Variants in LONP2 observed in about 807,000 individuals in gnomAD.
LONP2 encodes lon protease homolog 2, peroxisomal.
Under a neutral mutation model 85.6 loss-of-function variants are expected in LONP2, and 60 were observed. The observed-to-expected ratio is 0.70, with a 90% CI of 0.57 to 0.87. The LOEUF (loss-of-function observed/expected upper bound fraction) is 0.87, where lower values mean the gene tolerates loss of function less well. LONP2 is among the 40% of genes least tolerant of loss of function. The probability of loss-of-function intolerance (pLI) is 0.00; values close to 1 mark genes in which losing one functional copy is unlikely to be tolerated. For missense variants in LONP2, 860 were observed against 1,063.5 expected, an observed-to-expected ratio of 0.81 and a Z score of 2.66; for synonymous variants, 395 against 389.7, an observed-to-expected ratio of 1.01 and a Z score of -0.16.
Position 48,351,922 on chromosome 16 carries a change from A to G in LONP2, c.*120A>G. On this transcript the variant is annotated 3_prime_UTR_variant, in exon 15 of 15. Coordinates refer to ENST00000285737, the MANE Select transcript of LONP2 (RefSeq NM_031490.5). Reference sequence around the variant, plus strand: ...GTCCCTGTTTTATAAACATAATCACAACAGTAATAAACCTCAAGTAGTGGC... The same window carrying G: ...GTCCCTGTTTTATAAACATAATCACGACAGTAATAAACCTCAAGTAGTGGC... The G allele has an allele frequency of 1.4e-6, 1 of 695,176 alleles. No homozygotes were observed. The allele number at this position is 695,176 out of a possible 1,614,324, so 43.1% of individuals were successfully genotyped here.
intron 7 of LONP2, among the ~76,000 whole-genome samples, chr16:48,273,076 C>A (rs560293096): frequency 6.6e-6 from 1 of 152,166 alleles, no homozygotes; most frequent in Non-Finnish European, 1.5e-5. Context: ...GTCACATGCT[C>A]ACAGTTAGAG....
chr16:48,315,223 A>C (rs1206292327), intron 11 of LONP2, among the ~76,000 whole-genome samples: 1 of 152,214 alleles, frequency 6.6e-6, no homozygotes, highest in African/African-American at 2.4e-5. Flanking sequence ...TCCAGTAAAC[A>C]CTATGCCTTG....
Position 48,313,064 on chromosome 16 carries a change from A to T in LONP2, c.1795+9759A>T, listed in dbSNP as rs143452444. ...TTACTTTATCTTAGATAATCTTGGT[A>T]TCTGGTAGTGTAAGTCTTCCAGCTT... On this transcript the variant is annotated intron_variant, in intron 11 of 14. Coordinates refer to ENST00000285737, the MANE Select transcript of LONP2 (RefSeq NM_031490.5). Among the ~76,000 whole-genome samples the T allele has an allele frequency of 7.6e-3, 1,165 of 152,300 alleles. 17 individuals are homozygous for T. The highest frequency in any genetic ancestry group is 0.027 in the African/African-American group (1,112 of 41,560).
At chr16:48,261,630 G>T in intron 5 of LONP2, 43 bp downstream of exon 5, 3 of 1,402,420 alleles carry the variant, frequency 2.1e-6, no homozygotes, top group South Asian at 1.6e-5. Flanking sequence ...TTTCATTCTT[G>T]GTACTCCTGA....
At chr16:48,253,888 A>G (rs1971703525) in intron 2 of LONP2, among the ~76,000 whole-genome samples, 2 of 152,186 alleles carry the variant, frequency 1.3e-5, no homozygotes. Context: ...TTTTGTATCC[A>G]TGTCTGATGT....
intron 11 of LONP2, 129 bp downstream of exon 11, chr16:48,303,434 G>A: frequency 1.0e-6 from 1 of 967,854 alleles, no homozygotes; most frequent in Non-Finnish European, 1.6e-6. Flanking sequence ...ACTGTTAAAT[G>A]CATCCAGTAA....
intron 14 of LONP2, 94 bp from the exon 15 acceptor site, chr16:48,351,484 ATAG>A (rs957855081): frequency 5.6e-6 from 5 of 899,646 alleles, no homozygotes; most frequent in South Asian, 1.7e-5. Context: ...ATGTTTTAAA[ATAG>A]TAGTGGTTAA....
Position 48,264,449 on chromosome 16 carries a change from G to T in LONP2, c.982+1577G>T, listed in dbSNP as rs541795762. Among the ~76,000 whole-genome samples the T allele has an allele frequency of 2.0e-5, 3 of 152,286 alleles. No homozygotes were observed. In the East Asian group the frequency reaches 5.8e-4, roughly 29 times the overall value. On this transcript the variant is annotated intron_variant, in intron 6 of 14. Transcript: ENST00000285737. ...GAGAAATATGGCTCTGTTCTGCCCG[G>T]CTCACCAGCGGTCAGAGTTTAAGGT... is the stretch of plus-strand genomic sequence containing the variant.
In LONP2 at chr16:48,334,269, A is replaced by G. The variant is rs1181931453; in HGVS notation, c.1849A>G (p.Thr617Ala). ...AAAACCTGAATCTATCAGTGACACT[A>G]CTGACTTGGCTCTACCACCTGAAAT... ...DEKPESISDT[T>A]DLALPPEMPI... The change falls in exon 12 of 15, where the codon ACT (threonine) becomes GCT (alanine). Residue 617 changes from threonine to alanine, a missense_variant. Physicochemically the swap from Thr to Ala is moderately conservative, Grantham distance 58. Transcript: ENST00000285737. The G allele has an allele frequency of 1.9e-6, 3 of 1,613,948 alleles. No individual in the cohort carries two copies. The highest frequency in any genetic ancestry group is 2.2e-5 in the East Asian group (1 of 44,894).
Position 48,277,380 on chromosome 16 carries a change from C to G in LONP2, c.1284C>G (p.Gly428=), listed in dbSNP as rs1224780141. 2.5e-6 allele frequency: 4 copies of G among 1,613,564 alleles called. No homozygotes were observed. Among genetic ancestry groups the G allele is most frequent in the East Asian group, 2.2e-5 (1 of 44,796 alleles). ...GCATGCCTGGTCGCATCATCAACGG[C>G]TTGAAGACTGTGGGAGTGAACAACC... is the stretch of plus-strand genomic sequence containing the variant. ...VGSMPGRIIN[G]LKTVGVNNPV... The change falls in exon 8 of 15, where the codon GGC becomes GGG. Residue 428 remains glycine, a synonymous_variant. Coordinates refer to ENST00000285737, the MANE Select transcript of LONP2 (RefSeq NM_031490.5).
At chr16:48,284,321 T>C (rs760728149) in intron 8 of LONP2, among the ~76,000 whole-genome samples, 1 of 152,236 alleles carries the variant, frequency 6.6e-6, no homozygotes, top group Non-Finnish European at 1.5e-5. Context: ...AAGGATTGAC[T>C]TCAATTTTGA....
chr16:48,326,334 A>G (rs1959237219), intron 11 of LONP2, among the ~76,000 whole-genome samples: 1 of 152,200 alleles, frequency 6.6e-6, no homozygotes, highest in South Asian at 2.1e-4. Flanking sequence ...TCCCTCCTCC[A>G]TCCCTAACCC....
intron 14 of LONP2, 130 bp from the exon 15 acceptor site, chr16:48,351,450 AT>A: frequency 1.4e-6 from 1 of 702,126 alleles, no homozygotes; most frequent in Non-Finnish European, 2.3e-6. Context: ...AGCTCATGCT[AT>A]AACAAAACGG....
intron 6 of LONP2, among the ~76,000 whole-genome samples, chr16:48,268,195 T>A (rs970481227): frequency 6.6e-6 from 1 of 152,320 alleles, no homozygotes; most frequent in East Asian, 1.9e-4. Flanking sequence ...AAATATATCC[T>A]GTATAGAAAA....
At chr16:48,331,190 G>A (rs981643646) in intron 11 of LONP2, among the ~76,000 whole-genome samples, 1 of 152,198 alleles carries the variant, frequency 6.6e-6, no homozygotes, top group Non-Finnish European at 1.5e-5. Context: ...TTTCTTCTGT[G>A]CATTAATTTT....
chr16:48,362,630 G>T lies in LONP2; in HGVS notation c.*767G>T. ...GCACTTTATTAGGATCTGTACACTG[G>T]ATAAGCTCTCTTTTCAAAATGTTCC... is the stretch of plus-strand genomic sequence containing the variant. On this transcript the variant is annotated 3_prime_UTR_variant, in exon 5 of 5. Transcript: ENST00000565867. The surrounding 1 kb of genome is among the most constrained non-coding windows in gnomAD (Gnocchi z 4.2). 1 of 556,438 alleles carries T rather than the reference G, an allele frequency of 1.8e-6. No individual in the cohort carries two copies. Among genetic ancestry groups the T allele is most frequent in the Non-Finnish European group, 3.2e-6 (1 of 311,038 alleles). 34.5% of individuals were successfully genotyped at this position (556,438 alleles called of 1,614,324 possible). A position where few individuals can be genotyped will look rare whatever the true frequency, so the allele number is the denominator to read the frequency against.
At chr16:48,275,320 T>A (rs1364559989) in intron 7 of LONP2, among the ~76,000 whole-genome samples, 1 of 152,190 alleles carries the variant, frequency 6.6e-6, no homozygotes, top group African/African-American at 2.4e-5. Context: ...GTGTTACCTT[T>A]AGAGTGCTGA....
intron 8 of LONP2, among the ~76,000 whole-genome samples, chr16:48,288,643 T>A: frequency 6.6e-6 from 1 of 152,128 alleles, no homozygotes; most frequent in East Asian, 1.9e-4. Context: ...TGTGGCTGTG[T>A]CCTCGGGAGA....
At chr16:48,298,428 C>T (rs1972721179) in intron 9 of LONP2, among the ~76,000 whole-genome samples, 1 of 151,934 alleles carries the variant, frequency 6.6e-6, no homozygotes, top group African/African-American at 2.4e-5. Context: ...TATATACATA[C>T]ATAAATACAT....
Sources: allele counts gnomAD v4.1 joint callset (sites outside exome capture counted in the v4.1 genomes callset), GRCh38; gene constraint gnomAD v4.1.1; non-coding constraint Gnocchi (gnomAD v3.1); transcripts MANE v1.5; gene names NCBI Gene and HGNC (gene_info 2026-07-23, HGNC 2026-07-21).